Variants in CHLSN observed in about 807,000 individuals in gnomAD.
The protein encoded by CHLSN is protein cholesin.
At chr7:1,111,040 C>T in the CHLSN span, among the ~76,000 whole-genome samples, 1 of 152,176 alleles carries the variant, frequency 6.6e-6, no homozygotes, top group Admixed American at 6.5e-5. Flanking sequence ...CGCACCAGGG[C>T]ACTCCAGCCT....
chr7:978,473 C>G, the CHLSN span, among the ~76,000 whole-genome samples: 1 of 152,136 alleles, frequency 6.6e-6, no homozygotes, highest in Non-Finnish European at 1.5e-5. Context: ...GAACCAAGAT[C>G]GCACCACTGC....
chr7:1,077,250 G>A, the CHLSN span, among the ~76,000 whole-genome samples: 1 of 152,174 alleles, frequency 6.6e-6, no homozygotes, highest in Non-Finnish European at 1.5e-5. Context: ...CCGCCTCCCG[G>A]GTTCACACCA....
chr7:1,021,387 C>T, the CHLSN span: 2 of 985,454 alleles, frequency 2.0e-6, no homozygotes, highest in African/African-American at 3.5e-5. Context: ...TTGCGGATTT[C>T]AGTGACTGAA....
the CHLSN span, among the ~76,000 whole-genome samples, chr7:1,041,847 C>T: frequency 6.6e-6 from 1 of 151,936 alleles, no homozygotes; most frequent in Non-Finnish European, 1.5e-5. Context: ...GCCAGCTGGG[C>T]CCCTCTCCAG....
the CHLSN span, among the ~76,000 whole-genome samples, chr7:1,013,697 C>T: frequency 1.3e-5 from 2 of 152,176 alleles, no homozygotes; most frequent in Admixed American, 6.5e-5. Flanking sequence ...AAGGAAGCAC[C>T]GGCCTGTCAC....
chr7:983,483 C>T, the CHLSN span: 1 of 1,231,742 alleles, frequency 8.1e-7, no homozygotes, highest in Non-Finnish European at 1.1e-6. Context: ...CTGCCTGTTC[C>T]CACATGGTGC....
chr7:993,523 C>T, the CHLSN span, among the ~76,000 whole-genome samples: 1 of 152,160 alleles, frequency 6.6e-6, no homozygotes, highest in Non-Finnish European at 1.5e-5. Context: ...AAATAAATCC[C>T]AGGCACGGTG....
the CHLSN span, among the ~76,000 whole-genome samples, chr7:1,122,058 G>A: frequency 2.0e-4 from 30 of 152,366 alleles, no homozygotes; most frequent in African/African-American, 6.5e-4. Flanking sequence ...CTCGCAGCCA[G>A]CCACAGGAAG....
the CHLSN span, among the ~76,000 whole-genome samples, chr7:1,053,623 T>A: frequency 1.3e-5 from 2 of 151,734 alleles, no homozygotes; most frequent in East Asian, 3.9e-4. Context: ...AGGTCGGGAG[T>A]TCGAGATCAG....
chr7:1,070,908 GCA>G, the CHLSN span, among the ~76,000 whole-genome samples: 17,444 of 140,312 alleles, frequency 0.12, 1,150 homozygotes, highest in Middle Eastern at 0.28. Context: ...ACACATGCAC[GCA>G]CACACACAGC....
chr7:1,004,364 A>T, the CHLSN span, among the ~76,000 whole-genome samples: 1 of 152,106 alleles, frequency 6.6e-6, no homozygotes, highest in South Asian at 2.1e-4. Context: ...CTCCTTGGGA[A>T]CGTGGAGTGG....
the CHLSN span, among the ~76,000 whole-genome samples, chr7:1,136,417 TATA>T: frequency 8.7e-6 from 1 of 114,982 alleles, no homozygotes; most frequent in African/African-American, 3.7e-5. Flanking sequence ...TAAACATATA[TATA>T]AATATATATA....
chr7:1,000,372 C>A, the CHLSN span: 1 of 1,082,632 alleles, frequency 9.2e-7, no homozygotes. Flanking sequence ...CGTGCCTGCC[C>A]CGCCGTGCAC....
the CHLSN span, among the ~76,000 whole-genome samples, chr7:1,136,566 A>ATATAAATATATG: frequency 6.3e-5 from 3 of 47,326 alleles, no homozygotes; most frequent in African/African-American, 1.7e-4. Flanking sequence ...ATATAAACAT[A>ATATAAATATATG]TAAACATAAA....
chr7:991,927 T>A, the CHLSN span, among the ~76,000 whole-genome samples: 1 of 151,490 alleles, frequency 6.6e-6, no homozygotes, highest in Non-Finnish European at 1.5e-5. Context: ...GAGTGGGGAG[T>A]GGTGGATTTG....
chr7:1,096,885 G>T, the CHLSN span, among the ~76,000 whole-genome samples: 3 of 152,190 alleles, frequency 2.0e-5, no homozygotes, highest in South Asian at 2.1e-4. This position sits in a 1 kb window ranked among gnomAD's most constrained non-coding sequence, Gnocchi z 4.6. Context: ...GGGGCAGGGT[G>T]GGGGAGAGAA....
chr7:1,075,355 AC>A, the CHLSN span, among the ~76,000 whole-genome samples: 5 of 151,882 alleles, frequency 3.3e-5, no homozygotes, highest in African/African-American at 9.7e-5. Context: ...TACTAAACAT[AC>A]AAAAATTAGC....
chr7:1,121,533 T>A, the CHLSN span, among the ~76,000 whole-genome samples: 1 of 152,182 alleles, frequency 6.6e-6, no homozygotes, highest in African/African-American at 2.4e-5. Flanking sequence ...GCTCTAGTAA[T>A]ACACACTGAT....
the CHLSN span, among the ~76,000 whole-genome samples, chr7:1,053,529 C>A: frequency 5.3e-5 from 8 of 152,192 alleles, no homozygotes; most frequent in Non-Finnish European, 1.0e-4. Context: ...AGCTCCCAGC[C>A]TTCAAAATGT....
Sources: allele counts gnomAD v4.1 joint callset (sites outside exome capture counted in the v4.1 genomes callset), GRCh38; gene constraint gnomAD v4.1.1; non-coding constraint Gnocchi (gnomAD v3.1); transcripts MANE v1.5; gene names NCBI Gene and HGNC (gene_info 2026-07-23, HGNC 2026-07-21).